Variants in ERBIN observed in about 807,000 individuals in gnomAD.
The protein encoded by ERBIN is densin-180-like protein.
ERBIN carries 60 observed loss-of-function variants against 158.4 expected under a neutral mutation model. That is an observed-to-expected ratio of 0.38 (90% CI 0.31 to 0.47). ERBIN has a LOEUF of 0.47. Among genes scored for constraint, ERBIN ranks in the 20% least tolerant of loss-of-function variants. The probability of loss-of-function intolerance (pLI) is 0.99; values close to 1 mark genes in which losing one functional copy is unlikely to be tolerated. For synonymous variants in ERBIN, 594 were observed against 557.2 expected (o/e 1.07, Z -0.93); for missense variants, 1,610 against 1,648.0 (o/e 0.98, Z 0.40).
At chr5:65,928,819 C>G (rs2150825573) in intron 1 of ERBIN, among the ~76,000 whole-genome samples, 1 of 152,164 alleles carries the variant, frequency 6.6e-6, no homozygotes, top group African/African-American at 2.4e-5. Flanking sequence ...ATTTTCGAAG[C>G]TTTGTTTAAA....
Position 65,947,799 on chromosome 5 carries a change from G to C in ERBIN, c.-58+20993G>C, listed in dbSNP as rs552486070. ...AGGCAGGCAGATCACGTGAGGTCAGGAGTTTGAAACCAACCTGGCCAACAT... is the reference window on the plus strand; with the variant it reads ...AGGCAGGCAGATCACGTGAGGTCAGCAGTTTGAAACCAACCTGGCCAACAT... On this transcript the variant is annotated intron_variant, in intron 1 of 25. Coordinates refer to ENST00000284037, the MANE Select transcript of ERBIN (RefSeq NM_001253697.2). Among the ~76,000 whole-genome samples, 11 of 152,214 alleles carry C rather than the reference G, an allele frequency of 7.2e-5. No individual in the cohort carries two copies. The South Asian group carries it at 1.9e-3, about 26-fold the overall frequency.
intron 18 of ERBIN, 23 bp downstream of exon 18, chr5:66,046,561 G>A (rs1299647881): frequency 1.3e-6 from 2 of 1,513,224 alleles, no homozygotes; most frequent in Non-Finnish European, 1.8e-6. Flanking sequence ...GATTATTCTG[G>A]AGCAACTATA....
chr5:65,971,259 C>A, intron 1 of ERBIN, among the ~76,000 whole-genome samples: 1 of 145,202 alleles, frequency 6.9e-6, no homozygotes, highest in South Asian at 2.2e-4. Flanking sequence ...TTTTTTTTTT[C>A]AGTGTTCAAA....
At chr5:65,968,857 G>T (rs1748951126) in intron 1 of ERBIN, among the ~76,000 whole-genome samples, 1 of 152,076 alleles carries the variant, frequency 6.6e-6, no homozygotes. Flanking sequence ...CACTGCGCCT[G>T]GCCTATTGCT....
intron 17 of ERBIN, among the ~76,000 whole-genome samples, chr5:66,045,435 A>G (rs1231036725): frequency 6.8e-6 from 1 of 146,176 alleles, no homozygotes; most frequent in Non-Finnish European, 1.5e-5. Flanking sequence ...TAGTATATGT[A>G]TATGTATATG....
chr5:65,927,956 T>C lies in ERBIN; in HGVS notation c.-58+1150T>C, dbSNP rs548248266. Among the ~76,000 whole-genome samples, 12 of 152,342 alleles carry C rather than the reference T, an allele frequency of 7.9e-5. No individual in the cohort carries two copies. In the South Asian group the frequency reaches 2.1e-3, roughly 26 times the overall value. ...GGAGGTGAAATACAATACTGTACTTTTGAATATATATTGAATAAATTTGGT... is the reference window on the plus strand; with the variant it reads ...GGAGGTGAAATACAATACTGTACTTCTGAATATATATTGAATAAATTTGGT... On this transcript the variant is annotated intron_variant, in intron 1 of 25. Coordinates refer to ENST00000284037, the MANE Select transcript of ERBIN (RefSeq NM_001253697.2).
At chr5:65,990,804 A>G (rs1175191733) in intron 2 of ERBIN, among the ~76,000 whole-genome samples, 4 of 151,512 alleles carry the variant, frequency 2.6e-5, no homozygotes, top group Admixed American at 2.6e-4. Context: ...TGTGTTGCTC[A>G]GGCTGGAGTG....
chr5:66,062,670 T>C (rs1760540203), intron 21 of ERBIN, among the ~76,000 whole-genome samples: 1 of 152,200 alleles, frequency 6.6e-6, no homozygotes, highest in Non-Finnish European at 1.5e-5. Flanking sequence ...TCTTTGTGGT[T>C]TTATCTACCT....
chr5:65,940,393 G>T (rs1744733942), intron 1 of ERBIN, among the ~76,000 whole-genome samples: 1 of 142,482 alleles, frequency 7.0e-6, no homozygotes, highest in African/African-American at 2.8e-5. Flanking sequence ...CCGCCCGGCA[G>T]CCACCTCGTC....
chr5:65,973,349 G>A (rs1325234051), intron 1 of ERBIN, among the ~76,000 whole-genome samples: 3 of 150,876 alleles, frequency 2.0e-5, no homozygotes, highest in East Asian at 1.9e-4. Flanking sequence ...ACATGTATAC[G>A]TATGTAACAA....
chr5:65,957,214 A>G (rs921817341), intron 1 of ERBIN, among the ~76,000 whole-genome samples: 1 of 145,366 alleles, frequency 6.9e-6, no homozygotes, highest in Non-Finnish European at 1.5e-5. Context: ...TTAAATTTTT[A>G]TTTTATTTTA....
At chr5:65,966,988 G>A (rs1432663294) in intron 1 of ERBIN, among the ~76,000 whole-genome samples, 2 of 151,978 alleles carry the variant, frequency 1.3e-5, no homozygotes, top group Admixed American at 1.3e-4. Context: ...AAGGATATAG[G>A]AGCTGGGCCT....
At chr5:66,002,326 A>G (rs1753092772) in intron 4 of ERBIN, among the ~76,000 whole-genome samples, 4 of 152,238 alleles carry the variant, frequency 2.6e-5, no homozygotes, top group Admixed American at 6.5e-5. Flanking sequence ...CTAAGCTGCT[A>G]TCCCAAGCCA....
intron 7 of ERBIN, among the ~76,000 whole-genome samples, chr5:66,015,136 G>C (rs186299495): frequency 6.6e-6 from 1 of 152,244 alleles, no homozygotes; most frequent in Non-Finnish European, 1.5e-5. Context: ...GCTATGTAGT[G>C]TATTGTAAAT....
intron 1 of ERBIN, 107 bp from the exon 2 acceptor site, chr5:65,988,528 A>G (rs920841459): frequency 3.9e-5 from 6 of 152,154 alleles, no homozygotes; most frequent in Non-Finnish European, 8.8e-5. Flanking sequence ...AATTTTTGAG[A>G]AGTTTAATTT....
chr5:65,950,294 C>T (rs1323726746), intron 1 of ERBIN, among the ~76,000 whole-genome samples: 1 of 152,318 alleles, frequency 6.6e-6, no homozygotes, highest in Middle Eastern at 3.4e-3. Flanking sequence ...CGCCCGGCCT[C>T]AGGTCTTTAG....
intron 1 of ERBIN, among the ~76,000 whole-genome samples, chr5:65,927,509 A>G (rs1179108843): frequency 1.3e-5 from 2 of 152,216 alleles, no homozygotes; most frequent in African/African-American, 4.8e-5. Flanking sequence ...ATTACGAAGA[A>G]AAAAGGAGTA....
chr5:66,009,074 AC>A (rs1753923535), intron 4 of ERBIN, among the ~76,000 whole-genome samples: 1 of 152,210 alleles, frequency 6.6e-6, no homozygotes, highest in African/African-American at 2.4e-5. Context: ...CTGTAACTCC[AC>A]AACTCCACAT....
rs752186631 is a variant in ERBIN at position 66,026,331 on chromosome 5, G to A, written c.1050G>A (p.Leu350=). 1 of 1,593,004 alleles carries A rather than the reference G, an allele frequency of 6.3e-7. No homozygotes were observed. The highest frequency in any genetic ancestry group is 8.5e-7 in the Non-Finnish European group (1 of 1,171,522). Residue 350 remains leucine (L), a synonymous_variant, in exon 13 of 26, where the codon CTG becomes CTA. Transcript: ENST00000284037. Reference sequence around the variant, plus strand: ...GAAGCTGGAAAAATATAACTGTGCTGTTTCTCCATTCCAATAAACTTGAGA... The same window carrying A: ...GAAGCTGGAAAAATATAACTGTGCTATTTCTCCATTCCAATAAACTTGAGA... ...EIGSWKNITV[L]FLHSNKLETL... is the part of the protein sequence containing the mutation.
Sources: gnomAD v4.1 joint callset for allele counts (sites outside exome capture counted in the v4.1 genomes callset) on GRCh38, gnomAD v4.1.1 for gene constraint, MANE v1.5 for transcripts, NCBI Gene and HGNC (gene_info 2026-07-23, HGNC 2026-07-21) for gene names.